Variants in STARD13 observed in about 807,000 individuals in gnomAD.
The protein encoded by STARD13 is StAR related lipid transfer domain containing 13, also known as stAR-related lipid transfer protein 13.
STARD13 carries 62 observed loss-of-function variants against 106.4 expected under a neutral mutation model. The ratio of observed to expected loss-of-function variants is 0.58; its 90% CI spans 0.48 to 0.72. STARD13 has a LOEUF of 0.72. Ranked by LOEUF, STARD13 falls within the 30% of genes least tolerant of loss-of-function variation. The probability of loss-of-function intolerance (pLI) is 0.00; values close to 1 mark genes in which losing one functional copy is unlikely to be tolerated. For missense variants in STARD13, 1,387 were observed against 1,424.0 expected (o/e 0.97, Z 0.42); for synonymous variants, 565 against 553.0 (o/e 1.02, Z -0.31).
intron 1 of STARD13, among the ~76,000 whole-genome samples, chr13:33,215,123 G>GT (rs1394748782): frequency 3.1e-5 from 4 of 128,792 alleles, no homozygotes; most frequent in East Asian, 2.6e-4. Context: ...AGTACTTGGG[G>GT]GGGGGGGTGG....
chr13:33,117,811 A>G, intron 8 of STARD13: 1 of 982,364 alleles, frequency 1.0e-6, no homozygotes. Flanking sequence ...AGTTTGTTTT[A>G]GATCATACAC....
At chr13:33,139,973 A>C (rs1253448532) in intron 4 of STARD13, among the ~76,000 whole-genome samples, 2 of 152,212 alleles carry the variant, frequency 1.3e-5, no homozygotes, top group Admixed American at 6.5e-5. Context: ...TACAACATGA[A>C]AAGCAATATT....
At chr13:33,319,119 C>T (rs923848357) in intron 1 of STARD13, among the ~76,000 whole-genome samples, 3 of 152,288 alleles carry the variant, frequency 2.0e-5, no homozygotes, top group South Asian at 2.1e-4. Context: ...CATTATTCAT[C>T]GTAGCTAAAA....
Position 33,103,465 on chromosome 13 carries a change from G to A in STARD13, c.*2128C>T, listed in dbSNP as rs1342099841. 2.0e-5 allele frequency: 3 copies of A among 152,632 alleles called. No homozygotes were observed. Among genetic ancestry groups the A allele is most frequent in the Non-Finnish European group, 4.4e-5 (3 of 68,034 alleles). The allele number at this position is 152,632 out of a possible 1,614,324, so 9.5% of individuals were successfully genotyped here. A position where few individuals can be genotyped will look rare whatever the true frequency, so the allele number is the denominator to read the frequency against. ...AAAAGTCAGATAATTCGAAGAGAGGGAGAATCAGAAATACAATCACATTTG... is the reference window on the plus strand; with the variant it reads ...AAAAGTCAGATAATTCGAAGAGAGGAAGAATCAGAAATACAATCACATTTG... On this transcript the variant is annotated 3_prime_UTR_variant, in exon 14 of 14. Coordinates refer to ENST00000336934, the MANE Select transcript of STARD13 (RefSeq NM_178006.4).
chr13:33,212,663 G>A (rs937846855), intron 1 of STARD13, among the ~76,000 whole-genome samples: 2 of 152,146 alleles, frequency 1.3e-5, no homozygotes, highest in African/African-American at 4.8e-5. Flanking sequence ...TACTACATAT[G>A]CCTCCAACTC....
chr13:33,374,511 T>G, the STARD13 span, among the ~76,000 whole-genome samples: 5 of 152,204 alleles, frequency 3.3e-5, no homozygotes, highest in African/African-American at 2.4e-5. Flanking sequence ...GATGAGTGTG[T>G]GTATAAAATT....
chr13:33,160,320 T>C (rs554629780), intron 3 of STARD13, among the ~76,000 whole-genome samples: 1 of 152,266 alleles, frequency 6.6e-6, no homozygotes, highest in African/African-American at 2.4e-5. Flanking sequence ...TAGGTCTAAA[T>C]ATAAAACACA....
At chr13:33,435,755 T>C in the STARD13 span, among the ~76,000 whole-genome samples, 2 of 152,300 alleles carry the variant, frequency 1.3e-5, no homozygotes, top group South Asian at 2.1e-4. Flanking sequence ...GTATTGCTAA[T>C]GCCTTGCACA....
In STARD13 at chr13:33,135,830, A is replaced by G. The variant is rs998744027; in HGVS notation, c.388-5541T>C. Among the ~76,000 whole-genome samples the G allele has an allele frequency of 2.6e-5, 4 of 152,200 alleles. No individual in the cohort carries two copies. The South Asian group carries it at 8.3e-4, about 32-fold the overall frequency. On this transcript the variant is annotated intron_variant, in intron 4 of 13. Coordinates refer to ENST00000336934, the MANE Select transcript of STARD13 (RefSeq NM_178006.4). Reference sequence around the variant, plus strand: ...CAAAGAAGAAACTTGTTGTCACATTAAAAATCTTATGGCCAGGCATAGTGG... The same window carrying G: ...CAAAGAAGAAACTTGTTGTCACATTGAAAATCTTATGGCCAGGCATAGTGG...
At chr13:33,557,101 G>C in the STARD13 span, among the ~76,000 whole-genome samples, 2 of 152,138 alleles carry the variant, frequency 1.3e-5, no homozygotes, top group African/African-American at 4.8e-5. Flanking sequence ...ATTCACAAGA[G>C]ATAAGAAGTC....
chr13:33,493,963 G>A, the STARD13 span, among the ~76,000 whole-genome samples: 1 of 152,254 alleles, frequency 6.6e-6, no homozygotes, highest in East Asian at 1.9e-4. Flanking sequence ...GACTTGGTGC[G>A]GGTTTCTCAT....
the STARD13 span, among the ~76,000 whole-genome samples, chr13:33,622,614 C>CA: frequency 0.34 from 9,429 of 27,906 alleles, 2,370 homozygotes; most frequent in East Asian, 0.56. Flanking sequence ...GACTCCGTCT[C>CA]AAAAAAAAAA....
At chr13:33,519,252 C>CTT in the STARD13 span, among the ~76,000 whole-genome samples, 1 of 149,088 alleles carries the variant, frequency 6.7e-6, no homozygotes, top group South Asian at 2.1e-4. Flanking sequence ...TTCTTTCTTT[C>CTT]TTTCTTTCTT....
chr13:33,299,102 CT>C (rs1892614450), intron 1 of STARD13, among the ~76,000 whole-genome samples: 1 of 152,196 alleles, frequency 6.6e-6, no homozygotes, highest in Non-Finnish European at 1.5e-5. Flanking sequence ...TTACAATTGC[CT>C]GCAGAATTCA....
chr13:33,561,521 TGTGA>T, the STARD13 span, among the ~76,000 whole-genome samples: 2 of 151,490 alleles, frequency 1.3e-5, no homozygotes, highest in African/African-American at 2.4e-5. Flanking sequence ...AAAATATCTG[TGTGA>T]GTGTCTTTAG....
the STARD13 span, among the ~76,000 whole-genome samples, chr13:33,395,763 C>G: frequency 1.3e-5 from 2 of 152,116 alleles, no homozygotes; most frequent in African/African-American, 4.8e-5. Flanking sequence ...TATTTATTAA[C>G]TACTTTTATA....
intron 2 of STARD13, among the ~76,000 whole-genome samples, chr13:33,167,083 A>G (rs572297933): frequency 2.0e-5 from 3 of 152,322 alleles, no homozygotes; most frequent in South Asian, 4.1e-4. Context: ...TCGGAAGAAT[A>G]ACATCTGATT....
At chr13:33,564,034 T>C in the STARD13 span, among the ~76,000 whole-genome samples, 3 of 145,150 alleles carry the variant, frequency 2.1e-5, no homozygotes, top group African/African-American at 7.8e-5. Flanking sequence ...TCTACAAAAA[T>C]ACAAAAATTA....
chr13:33,438,812 G>A, the STARD13 span, among the ~76,000 whole-genome samples: 5 of 152,156 alleles, frequency 3.3e-5, no homozygotes, highest in African/African-American at 1.2e-4. Flanking sequence ...GTTCTCAGCA[G>A]ATTATAGAAA....
Sources: allele counts gnomAD v4.1 joint callset (sites outside exome capture counted in the v4.1 genomes callset), GRCh38; gene constraint gnomAD v4.1.1; transcripts MANE v1.5; gene names NCBI Gene and HGNC (gene_info 2026-07-23, HGNC 2026-07-21).